The following SCFD2 variants were observed in gnomAD, a reference collection of about 807,000 sequenced individuals.
The protein encoded by SCFD2 is sec1 family domain containing 2.
A neutral mutation model predicts 58.9 loss-of-function variants in SCFD2; 54 were observed. The observed-to-expected ratio is 0.92, with a 90% confidence interval of 0.74 to 1.15. SCFD2 has a LOEUF of 1.15. Among genes scored for constraint, SCFD2 ranks in the 50% most tolerant of loss-of-function variants. The pLI is 0.00. For synonymous variants in SCFD2, 321 were observed against 335.9 expected (o/e 0.96, Z 0.49); for missense variants, 805 against 836.6 (o/e 0.96, Z 0.47).
chr4:52,958,953 T>C (rs188026496), intron 5 of SCFD2, among the ~76,000 whole-genome samples: 18 of 152,324 alleles, frequency 1.2e-4, no homozygotes, highest in African/African-American at 4.1e-4. Flanking sequence ...ATGTGTATTA[T>C]CATGTGTAAT....
At chr4:53,285,148 C>T (rs191364366) in intron 3 of SCFD2, among the ~76,000 whole-genome samples, 2 of 152,260 alleles carry the variant, frequency 1.3e-5, no homozygotes, top group African/African-American at 2.4e-5. Flanking sequence ...CAGCTCTCTC[C>T]GAAGTTATAC....
intron 4 of SCFD2, among the ~76,000 whole-genome samples, chr4:53,156,232 C>T (rs1023393485): frequency 5.9e-5 from 9 of 151,554 alleles, no homozygotes; most frequent in Non-Finnish European, 1.3e-4. Flanking sequence ...AACCCTGTCC[C>T]TAATAAAAAT....
intron 5 of SCFD2, among the ~76,000 whole-genome samples, chr4:52,994,478 G>A (rs559699929): frequency 2.2e-4 from 33 of 152,264 alleles, no homozygotes; most frequent in African/African-American, 7.5e-4. Flanking sequence ...GAGGGTGGAC[G>A]GCAAGCCCCA....
At chr4:52,910,297 CT>C (rs1218514903) in intron 6 of SCFD2, among the ~76,000 whole-genome samples, 1 of 152,184 alleles carries the variant, frequency 6.6e-6, no homozygotes, top group African/African-American at 2.4e-5. Context: ...AAGCCTGGAG[CT>C]CCAGCAGCCA....
Position 53,008,507 on chromosome 4 carries a change from C to T in SCFD2, c.1562-87637G>A, listed in dbSNP as rs546973681. The stretch of plus-strand genomic sequence containing the variant: ...TTTAAACTTATCATATTCATTTGCT[C>T]TCCCTAACGTCCAATAAATAACAAC... On this transcript the variant is annotated intron_variant, in intron 5 of 8. Coordinates refer to ENST00000401642, the MANE Select transcript of SCFD2 (RefSeq NM_152540.4). Among the ~76,000 whole-genome samples, 10 of 152,292 alleles carry T rather than the reference C, an allele frequency of 6.6e-5. No homozygotes were observed. The South Asian group carries it at 1.9e-3, about 28-fold the overall frequency.
intron 2 of SCFD2, among the ~76,000 whole-genome samples, chr4:53,318,594 T>C (rs1732932303): frequency 6.6e-6 from 1 of 152,160 alleles, no homozygotes; most frequent in Admixed American, 6.5e-5. Context: ...ATCAAAACTC[T>C]GATTGGACTC....
At chr4:52,944,460 T>C in intron 5 of SCFD2, among the ~76,000 whole-genome samples, 1 of 152,158 alleles carries the variant, frequency 6.6e-6, no homozygotes, top group African/African-American at 2.4e-5. Flanking sequence ...GAAGAGACCA[T>C]AAGACAGAAA....
chr4:52,957,632 G>C (rs1720741317), intron 5 of SCFD2: 1 of 152,218 alleles, frequency 6.6e-6, no homozygotes, highest in Non-Finnish European at 1.5e-5. Context: ...AATGGCAGAT[G>C]CACACCAGGT....
chr4:53,041,008 A>G (rs1722885130), intron 5 of SCFD2, among the ~76,000 whole-genome samples: 1 of 152,192 alleles, frequency 6.6e-6, no homozygotes, highest in African/African-American at 2.4e-5. Context: ...CACAGGAACT[A>G]TTCAGTCTAT....
chr4:53,081,451 C>A (rs1278124021), intron 5 of SCFD2, among the ~76,000 whole-genome samples: 3 of 152,060 alleles, frequency 2.0e-5, no homozygotes, highest in Non-Finnish European at 4.4e-5. Flanking sequence ...TATTTATGTC[C>A]ATGTGTGCTC....
At chr4:52,905,833 C>G (rs1249437338) in intron 7 of SCFD2, among the ~76,000 whole-genome samples, 2 of 152,290 alleles carry the variant, frequency 1.3e-5, no homozygotes, top group African/African-American at 2.4e-5. Flanking sequence ...ACAACAACAA[C>G]AAGTGACACT....
chr4:52,944,515 T>C (rs909557943), intron 5 of SCFD2, among the ~76,000 whole-genome samples: 1 of 152,220 alleles, frequency 6.6e-6, no homozygotes, highest in African/African-American at 2.4e-5. Context: ...GGGTCCATGC[T>C]AGAGAACTAT....
chr4:53,121,874 G>A (rs1359880939), intron 5 of SCFD2, among the ~76,000 whole-genome samples: 1 of 152,036 alleles, frequency 6.6e-6, no homozygotes, highest in Non-Finnish European at 1.5e-5. Context: ...TTTTTTTAAA[G>A]CAGACATTAA....
chr4:52,978,683 G>GA (rs372108980), intron 5 of SCFD2, among the ~76,000 whole-genome samples: 61 of 145,788 alleles, frequency 4.2e-4, no homozygotes, highest in South Asian at 8.6e-4. Context: ...AAAAAATGAA[G>GA]AAAAAAAAAA....
intron 2 of SCFD2, among the ~76,000 whole-genome samples, chr4:53,321,400 A>C (rs1261509190): frequency 6.6e-6 from 1 of 152,088 alleles, no homozygotes; most frequent in Non-Finnish European, 1.5e-5. Context: ...TCATGGTGAT[A>C]CTTCAATCAA....
chr4:53,192,723 A>G (rs1029895938), intron 4 of SCFD2, among the ~76,000 whole-genome samples: 2 of 152,158 alleles, frequency 1.3e-5, no homozygotes, highest in South Asian at 2.1e-4. Context: ...TTTTGCTGTG[A>G]TGATTAAATG....
At chr4:53,070,379 C>T (rs930262816) in intron 5 of SCFD2, among the ~76,000 whole-genome samples, 1 of 151,908 alleles carries the variant, frequency 6.6e-6, no homozygotes, top group Non-Finnish European at 1.5e-5. Context: ...AAGATGTTCA[C>T]TAGGCTTCAT....
chr4:53,079,153 AG>A lies in SCFD2; in HGVS notation c.1561+66179del, dbSNP rs1724068812. Reference sequence around the variant, plus strand: ...TGAAGGCCTGAGAATTGAGGTTGGAAGGGGAGGGGAGACAATGGTGAGGAGG... The same window carrying A: ...TGAAGGCCTGAGAATTGAGGTTGGAAGGGAGGGGAGACAATGGTGAGGAGG... On this transcript the variant is annotated intron_variant, in intron 5 of 8. Coordinates refer to ENST00000401642, the MANE Select transcript of SCFD2 (RefSeq NM_152540.4). 2.0e-5 allele frequency among the ~76,000 whole-genome samples: 3 copies of A among 152,168 alleles called. No individual in the cohort carries two copies. The South Asian group carries it at 6.2e-4, about 32-fold the overall frequency.
intron 4 of SCFD2, among the ~76,000 whole-genome samples, chr4:53,243,004 A>T (rs1237690469): frequency 6.6e-6 from 1 of 152,228 alleles, no homozygotes. Flanking sequence ...TAAATCTATG[A>T]CTCATTAGTG....
Sources: gnomAD v4.1 joint callset for allele counts (sites outside exome capture counted in the v4.1 genomes callset) on GRCh38, gnomAD v4.1.1 for gene constraint, MANE v1.5 for transcripts, NCBI Gene and HGNC (gene_info 2026-07-23, HGNC 2026-07-21) for gene names.